OR2AG1: variants seen among roughly 807,000 people sequenced by gnomAD.
OR2AG1 encodes olfactory receptor 2AG1.
For synonymous variants in OR2AG1, 157 were observed against 155.6 expected, an observed-to-expected ratio of 1.01 and a Z score of -0.07; for missense variants, 391 against 385.9, an observed-to-expected ratio of 1.01 and a Z score of -0.11.
In OR2AG1 at chr11:6,785,969, C is replaced by T. The variant is rs781095627; in HGVS notation, c.932C>T (p.Pro311Leu). The change falls in exon 2 of 2, where the codon CCA (proline) becomes CTA (leucine). Residue 311 changes from proline to leucine, a missense_variant. Transcript: ENST00000641258. ...LRRVLGKYML[P>L]AHSTL Reference sequence around the variant, plus strand: ...AGGGTCCTGGGAAAATACATGCTGCCAGCACACTCCACGCTCTAGGGAAGG... The same window carrying T: ...AGGGTCCTGGGAAAATACATGCTGCTAGCACACTCCACGCTCTAGGGAAGG... 94 of 1,612,638 alleles carry T rather than the reference C, an allele frequency of 5.8e-5. No homozygotes were observed. The highest frequency in any genetic ancestry group is 1.2e-4 in the South Asian group (11 of 90,914).
chr11:6,783,906 T>C (rs1335192391), intron 1 of OR2AG1, among the ~76,000 whole-genome samples: 1 of 152,224 alleles, frequency 6.6e-6, no homozygotes, highest in Non-Finnish European at 1.5e-5. Context: ...TATGAAAACA[T>C]AGATGCCATA....
In OR2AG1 at chr11:6,790,084, T is replaced by C. The variant is rs1280934820; in HGVS notation, c.*4096T>C. ...ATTTACCCTTAAAAGGGAAGGACAC[T>C]CTGTCATTTGCAATGAAATAGACCA... On this transcript the variant is annotated 3_prime_UTR_variant, in exon 2 of 2. Coordinates refer to ENST00000641258, the MANE Select transcript of OR2AG1 (RefSeq NM_001004489.3). 2 of 152,210 alleles carry C rather than the reference T, an allele frequency of 1.3e-5. No individual in the cohort carries two copies. Among genetic ancestry groups the C allele is most frequent in the African/African-American group, 4.8e-5 (2 of 41,452 alleles). The allele number at this position is 152,210 out of a possible 1,614,324, so 9.4% of individuals were successfully genotyped here.
rs191454739 is a variant in OR2AG1 at position 6,790,047 on chromosome 11, C to A, written c.*4059C>A. 5 of 152,234 alleles carry A rather than the reference C, an allele frequency of 3.3e-5. No homozygotes were observed. Among genetic ancestry groups the A allele is most frequent in the Admixed American group, 2.6e-4 (4 of 15,290 alleles). The allele number at this position is 152,234 out of a possible 1,614,324, so 9.4% of individuals were successfully genotyped here. On this transcript the variant is annotated 3_prime_UTR_variant, in exon 2 of 2. Coordinates refer to ENST00000641258, the MANE Select transcript of OR2AG1 (RefSeq NM_001004489.3). ...ATAAAGAAAATGTGGTCTATTTATA[C>A]AATAGAATATTATTTACCCTTAAAA...
Position 6,786,099 on chromosome 11 carries a change from T to C in OR2AG1, c.*111T>C, listed in dbSNP as rs11041023. On this transcript the variant is annotated 3_prime_UTR_variant, in exon 2 of 2. Transcript: ENST00000641258. ...ATACAGTGCAGAGTATAGCATTTAA[T>C]AGAAAAGTGAAGGAATGTAACTGGA... 0.12 allele frequency: 100,039 copies of C among 812,638 alleles called. 6,883 individuals carry two copies. Among genetic ancestry groups the C allele is most frequent in the East Asian group, 0.23 (8,733 of 37,346 alleles). 50.3% of individuals were successfully genotyped at this position (812,638 alleles called of 1,614,324 possible).
At position 6,785,153 on chromosome 11, in the gene OR2AG1, T is replaced by C; in HGVS notation, c.116T>C (p.Leu39Pro). The change falls in exon 2 of 2, where the codon CTG (leucine) becomes CCG (proline). Residue 39 changes from leucine (L) to proline (P), a missense_variant. Coordinates refer to ENST00000641258, the MANE Select transcript of OR2AG1 (RefSeq NM_001004489.3). ...ATTACAATCCTATACTTGTTGGCCC[T>C]GATCAGCAATGGCCTACTGCTCCTG... ...ATITILYLLA[L>P]ISNGLLLLAI... 1.2e-6 allele frequency: 2 copies of C among 1,614,176 alleles called. No individual in the cohort carries two copies. Among genetic ancestry groups the C allele is most frequent in the Non-Finnish European group, 1.7e-6 (2 of 1,180,004 alleles).
Position 6,785,209 on chromosome 11 carries a change from C to G in OR2AG1, c.172C>G (p.Pro58Ala). 1 of 1,614,178 alleles carries G rather than the reference C, an allele frequency of 6.2e-7. No homozygotes were observed. Among genetic ancestry groups the G allele is most frequent in the Non-Finnish European group, 8.5e-7 (1 of 1,180,018 alleles). The change falls in exon 2 of 2, where the codon CCC becomes GCC. Residue 58 changes from proline (P) to alanine (A), a missense_variant. Coordinates refer to ENST00000641258, the MANE Select transcript of OR2AG1 (RefSeq NM_001004489.3). Reference protein sequence around the residue: ...AITMEARLHMPMYLLLGQLSL... With the variant: ...AITMEARLHMAMYLLLGQLSL... ...CACCATGGAAGCCCGGCTCCACATG[C>G]CCATGTACCTCCTGCTTGGGCAGCT...
rs1436343688 is a variant in OR2AG1 at position 6,787,228 on chromosome 11, T to C, written c.*1240T>C. ...TGTGTGTGTGTAAAACAGATTTTTT[T>C]AACCTACAAGCATATAGTTATTTTT... On this transcript the variant is annotated 3_prime_UTR_variant, in exon 2 of 2. Coordinates refer to ENST00000641258, the MANE Select transcript of OR2AG1 (RefSeq NM_001004489.3). The C allele has an allele frequency of 6.6e-6, 1 of 152,158 alleles. No homozygotes were observed. The highest frequency in any genetic ancestry group is 2.1e-4 in the South Asian group (1 of 4,830). The allele number at this position is 152,158 out of a possible 1,614,324, so 9.4% of individuals were successfully genotyped here.
At position 6,789,649 on chromosome 11, in the gene OR2AG1, C is replaced by T. The variant is rs1378422287; in HGVS notation, c.*3661C>T. On this transcript the variant is annotated 3_prime_UTR_variant, in exon 2 of 2. Transcript: ENST00000641258. ...TTGGGCAACAAGAGCGAAACCCCAT[C>T]TCAGAAAACAAACAAACAAACAAAC... 8.5e-6 allele frequency: 1 copy of T among 118,296 alleles called. No homozygotes were observed. Among genetic ancestry groups the T allele is most frequent in the Non-Finnish European group, 1.7e-5 (1 of 59,114 alleles). The allele number at this position is 118,296 out of a possible 1,614,324, so 7.3% of individuals were successfully genotyped here.
intron 1 of OR2AG1, among the ~76,000 whole-genome samples, chr11:6,784,720 T>A (rs1847604296): frequency 1.3e-5 from 2 of 152,274 alleles, no homozygotes; most frequent in African/African-American, 4.8e-5. Flanking sequence ...ATTTCTTTAA[T>A]CTTAAGAGAA....
In OR2AG1 at chr11:6,785,519, T is replaced by C; in HGVS notation, c.482T>C (p.Val161Ala). 2 of 1,614,076 alleles carry C rather than the reference T, an allele frequency of 1.2e-6. No individual in the cohort carries two copies. Among genetic ancestry groups the C allele is most frequent in the South Asian group, 2.2e-5 (2 of 91,070 alleles). Residue 161 changes from valine (V) to alanine (A), a missense_variant, in exon 2 of 2, where the codon GTG becomes GCG. Physicochemically the swap from Val to Ala is moderately conservative, Grantham distance 64 (BLOSUM62 0). Transcript: ENST00000641258. ...LASLSALIYT[V>A]YTMHYPFCRA... is the part of the protein sequence containing the mutation. ...TCCCTAAGTGCCCTAATATATACCGTGTATACCATGCACTATCCCTTCTGC... is the reference window on the plus strand; with the variant it reads ...TCCCTAAGTGCCCTAATATATACCGCGTATACCATGCACTATCCCTTCTGC...
In OR2AG1 at chr11:6,787,402, A is replaced by C. The variant is rs1486895379; in HGVS notation, c.*1414A>C. 4 of 152,202 alleles carry C rather than the reference A, an allele frequency of 2.6e-5. No individual in the cohort carries two copies. The highest frequency in any genetic ancestry group is 5.9e-5 in the Non-Finnish European group (4 of 68,028). 9.4% of individuals were successfully genotyped at this position (152,202 alleles called of 1,614,324 possible). A position where few individuals can be genotyped will look rare whatever the true frequency, so the allele number is the denominator to read the frequency against. On this transcript the variant is annotated 3_prime_UTR_variant, in exon 2 of 2. Transcript: ENST00000641258. ...TTTGTGCCCAAGTCTGCAAGTTTGC[A>C]AAGTGTAAGTTGACATTAACAATAA... is the stretch of plus-strand genomic sequence containing the variant.
Position 6,788,653 on chromosome 11 carries a change from T to G in OR2AG1, c.*2665T>G, listed in dbSNP as rs2741747. ...TGAACATGGTGCATGACTATACTTC[T>G]GGAACCTAGTCTCAGTCAGTTTTAA... On this transcript the variant is annotated 3_prime_UTR_variant, in exon 2 of 2. Coordinates refer to ENST00000641258, the MANE Select transcript of OR2AG1 (RefSeq NM_001004489.3). The G allele has an allele frequency of 6.6e-6, 1 of 151,942 alleles. No homozygotes were observed. The highest frequency in any genetic ancestry group is 2.4e-5 in the African/African-American group (1 of 41,370). 9.4% of individuals were successfully genotyped at this position (151,942 alleles called of 1,614,324 possible).
chr11:6,785,861 CT>C lies in OR2AG1; in HGVS notation c.825del (p.Val276PhefsTer10). The C allele has an allele frequency of 6.2e-7, 1 of 1,614,144 alleles. No individual in the cohort carries two copies. The highest frequency in any genetic ancestry group is 8.5e-7 in the Non-Finnish European group (1 of 1,180,018). On this transcript the variant is annotated frameshift_variant, in exon 2 of 2. Transcript: ENST00000641258. LOFTEE classifies it high-confidence loss of function. The part of the protein sequence containing the change: ...FHSTRQDNII[S>X]VFYTIVTPAL... ...AGCACCAGACAAGACAACATCATCT[CT>C]GTTTTCTACACAATTGTCACTCCAG...
rs1847688861 is a variant in OR2AG1, at chr11:6,791,465, C to T, written c.*5477C>T. Reference sequence around the variant, plus strand: ...CACCAAATGGTGATATTCAAAAGAGCTGGCATAATTTTTTAGAGTTGCTAA... The same window carrying T: ...CACCAAATGGTGATATTCAAAAGAGTTGGCATAATTTTTTAGAGTTGCTAA... On this transcript the variant is annotated 3_prime_UTR_variant, in exon 2 of 2. Coordinates refer to ENST00000641258, the MANE Select transcript of OR2AG1 (RefSeq NM_001004489.3). 6.6e-6 allele frequency: 1 copy of T among 152,178 alleles called. No homozygotes were observed. Among genetic ancestry groups the T allele is most frequent in the Non-Finnish European group, 1.5e-5 (1 of 68,034 alleles). The allele number at this position is 152,178 out of a possible 1,614,324, so 9.4% of individuals were successfully genotyped here.
rs1847634869 is a variant in OR2AG1, at chr11:6,787,025, C to T, written c.*1037C>T. On this transcript the variant is annotated 3_prime_UTR_variant, in exon 2 of 2. Coordinates refer to ENST00000641258, the MANE Select transcript of OR2AG1 (RefSeq NM_001004489.3). The stretch of plus-strand genomic sequence containing the variant: ...TGGGGGATATTGCTGTTTGAAGATT[C>T]GCTAACGCTTTTTAAATCAATTCCT... 6.6e-6 allele frequency: 1 copy of T among 152,152 alleles called. No homozygotes were observed. The highest frequency in any genetic ancestry group is 1.5e-5 in the Non-Finnish European group (1 of 68,012). The allele number at this position is 152,152 out of a possible 1,614,324, so 9.4% of individuals were successfully genotyped here. A position where few individuals can be genotyped will look rare whatever the true frequency, so the allele number is the denominator to read the frequency against.
Position 6,785,442 on chromosome 11 carries a change from C to T in OR2AG1, c.405C>T (p.Leu135=), listed in dbSNP as rs1381813804. 1 of 1,614,174 alleles carries T rather than the reference C, an allele frequency of 6.2e-7. No homozygotes were observed. The highest frequency in any genetic ancestry group is 1.1e-5 in the South Asian group (1 of 91,078). Residue 135 remains leucine (L), a synonymous_variant, in exon 2 of 2, where the codon CTC becomes CTT. Coordinates refer to ENST00000641258, the MANE Select transcript of OR2AG1 (RefSeq NM_001004489.3). Reference sequence around the variant, plus strand: ...GTCATCCTCTGACATACATGACCCTCATGAGCTCAAGAGCCTGCTGGCTCA... The same window carrying T: ...GTCATCCTCTGACATACATGACCCTTATGAGCTCAAGAGCCTGCTGGCTCA... ...AICHPLTYMT[L]MSSRACWLMV... is the part of the protein sequence containing the mutation.
chr11:6,786,845 T>C lies in OR2AG1; in HGVS notation c.*857T>C, dbSNP rs901377949. ...GCTAAAGATGGAGAGGACAACATAA[T>C]GCATTTTCTCACCAGCTTAATTATG... On this transcript the variant is annotated 3_prime_UTR_variant, in exon 2 of 2. Transcript: ENST00000641258. 6.6e-6 allele frequency: 1 copy of C among 152,198 alleles called. No individual in the cohort carries two copies. The highest frequency in any genetic ancestry group is 1.5e-5 in the Non-Finnish European group (1 of 68,014). The allele number at this position is 152,198 out of a possible 1,614,324, so 9.4% of individuals were successfully genotyped here.
rs1282225296 is a variant in OR2AG1 at position 6,787,084 on chromosome 11, C to T, written c.*1096C>T. The T allele has an allele frequency of 1.3e-5, 2 of 152,072 alleles. No homozygotes were observed. Among genetic ancestry groups the T allele is most frequent in the Non-Finnish European group, 2.9e-5 (2 of 68,002 alleles). The allele number at this position is 152,072 out of a possible 1,614,324, so 9.4% of individuals were successfully genotyped here. ...TTAAAACAGTAACTGAGACTAGGTT[C>T]AGAAAGTATAGTAGTAGTATATCAT... On this transcript the variant is annotated 3_prime_UTR_variant, in exon 2 of 2. Coordinates refer to ENST00000641258, the MANE Select transcript of OR2AG1 (RefSeq NM_001004489.3).
Position 6,788,009 on chromosome 11 carries a change from T to C in OR2AG1, c.*2021T>C, listed in dbSNP as rs1458863052. On this transcript the variant is annotated 3_prime_UTR_variant, in exon 2 of 2. Transcript: ENST00000641258. ...AAGTAACTTGTCCACAGTTTTCTTA[T>C]TGATTTGTTGAAGTTTTTTTACAGG... 6.6e-6 allele frequency: 1 copy of C among 152,170 alleles called. No homozygotes were observed. The highest frequency in any genetic ancestry group is 1.5e-5 in the Non-Finnish European group (1 of 68,000). 9.4% of individuals were successfully genotyped at this position (152,170 alleles called of 1,614,324 possible). A position where few individuals can be genotyped will look rare whatever the true frequency, so the allele number is the denominator to read the frequency against.
Sources: gnomAD v4.1 joint callset for allele counts (sites outside exome capture counted in the v4.1 genomes callset) on GRCh38, gnomAD v4.1.1 for gene constraint, MANE v1.5 for transcripts, NCBI Gene and HGNC (gene_info 2026-07-23, HGNC 2026-07-21) for gene names.